Variants in TOX observed in about 807,000 individuals in gnomAD.
TOX encodes thymocyte selection-associated high mobility group box protein TOX.
In TOX, 11 loss-of-function variants were observed where a neutral mutation model predicts 53.7. The observed-to-expected ratio is 0.20, with a 90% CI of 0.13 to 0.34. The LOEUF is 0.34. Among genes scored for constraint, TOX ranks in the 10% least tolerant of loss-of-function variants. TOX has a pLI of 1.00. For missense variants in TOX, 570 were observed against 664.6 expected (o/e 0.86, Z 1.56); for synonymous variants, 225 against 245.3 (o/e 0.92, Z 0.77).
intron 1 of TOX, among the ~76,000 whole-genome samples, chr8:58,987,376 G>A (rs1001839686): frequency 2.0e-5 from 3 of 152,154 alleles, no homozygotes; most frequent in African/African-American, 2.4e-5. Context: ...GAGAAATGGC[G>A]TGCTAGGAAA....
At chr8:58,841,870 GAAAT>G (rs1810649936) in intron 4 of TOX, among the ~76,000 whole-genome samples, 1 of 152,122 alleles carries the variant, frequency 6.6e-6, no homozygotes, top group African/African-American at 2.4e-5. Context: ...ACAAAGTACA[GAAAT>G]AAATGAATGC....
intron 3 of TOX, among the ~76,000 whole-genome samples, chr8:58,932,981 C>CT (rs942533937): frequency 3.3e-5 from 5 of 152,250 alleles, no homozygotes; most frequent in South Asian, 2.1e-4. Context: ...CTTTTAACAT[C>CT]TTTTTTCCAT....
intron 1 of TOX, among the ~76,000 whole-genome samples, chr8:59,064,234 C>A (rs1482347455): frequency 6.6e-6 from 1 of 152,178 alleles, no homozygotes; most frequent in African/African-American, 2.4e-5. Context: ...ATATATAATG[C>A]ACATGTCTGA....
intron 1 of TOX, among the ~76,000 whole-genome samples, chr8:58,989,489 T>A (rs1813401669): frequency 6.6e-6 from 1 of 152,114 alleles, no homozygotes; most frequent in South Asian, 2.1e-4. Context: ...GTGCCCAGTA[T>A]TTGGTGTATT....
At chr8:59,093,445 T>C (rs1197115508) in intron 1 of TOX, among the ~76,000 whole-genome samples, 1 of 152,242 alleles carries the variant, frequency 6.6e-6, no homozygotes, top group Non-Finnish European at 1.5e-5. Flanking sequence ...TACTTTGTTA[T>C]GTGTTTTATC....
chr8:59,005,047 T>C (rs1813762515), intron 1 of TOX, among the ~76,000 whole-genome samples: 1 of 150,758 alleles, frequency 6.6e-6, no homozygotes, highest in African/African-American at 2.4e-5. Flanking sequence ...TCATTTTCTT[T>C]TTTTTTTTTG....
At chr8:58,889,233 C>A (rs73686727) in intron 3 of TOX, among the ~76,000 whole-genome samples, 2,131 of 91,024 alleles carry the variant, frequency 0.023, 53 homozygotes, top group African/African-American at 0.071. Context: ...AAAAAAAAAA[C>A]AAAAAACCCT....
intron 1 of TOX, among the ~76,000 whole-genome samples, chr8:59,027,387 CA>C (rs1814264517): frequency 2.6e-5 from 4 of 151,634 alleles, no homozygotes; most frequent in Admixed American, 2.6e-4. Flanking sequence ...GACATTTTTG[CA>C]ATTTATTGTC....
chr8:58,828,330 G>C (rs919566706), intron 5 of TOX, among the ~76,000 whole-genome samples: 21 of 150,966 alleles, frequency 1.4e-4, no homozygotes, highest in East Asian at 9.7e-4. Context: ...TTCTCCTAAA[G>C]TGGGGGGCTT....
chr8:58,969,493 T>C (rs1041975069), intron 1 of TOX, among the ~76,000 whole-genome samples: 4 of 152,228 alleles, frequency 2.6e-5, no homozygotes, highest in African/African-American at 9.6e-5. Context: ...ATATTCATTA[T>C]TGCCTAGTTG....
At chr8:58,822,672 C>T (rs1810302137) in intron 6 of TOX, among the ~76,000 whole-genome samples, 2 of 152,202 alleles carry the variant, frequency 1.3e-5, no homozygotes, top group Admixed American at 1.3e-4. Flanking sequence ...TGGACTCCAC[C>T]CTCAATTAAG....
chr8:59,053,881 A>G (rs1408248446), intron 1 of TOX, among the ~76,000 whole-genome samples: 1 of 152,252 alleles, frequency 6.6e-6, no homozygotes, highest in African/African-American at 2.4e-5. Flanking sequence ...ATGTAAAGCA[A>G]ACATATTTTT....
intron 7 of TOX, among the ~76,000 whole-genome samples, chr8:58,811,942 A>G (rs1810084347): frequency 6.6e-6 from 1 of 152,218 alleles, no homozygotes; most frequent in Non-Finnish European, 1.5e-5. Context: ...TAAAATAGCT[A>G]AAGTAATATT....
At chr8:58,963,343 G>GA (rs1563402397) in intron 1 of TOX, among the ~76,000 whole-genome samples, 2 of 110,198 alleles carry the variant, frequency 1.8e-5, no homozygotes. Flanking sequence ...AGATAGATAG[G>GA]TAGATAGATA....
intron 3 of TOX, among the ~76,000 whole-genome samples, chr8:58,892,598 A>G (rs1054359301): frequency 4.6e-5 from 7 of 152,198 alleles, no homozygotes; most frequent in African/African-American, 1.7e-4. Context: ...CACTGCCCGT[A>G]CAGGATTTCA....
rs181598150 is a variant in TOX, at chr8:59,007,992, G to A, written c.103-47984C>T. ...TTTTCCATGTACATATCTTTGACCT[G>A]TTTCACCTCTGTTACATTTAAATTT... On this transcript the variant is annotated intron_variant, in intron 1 of 8. Transcript: ENST00000361421. Among the ~76,000 whole-genome samples the A allele has an allele frequency of 7.9e-5, 12 of 152,254 alleles. No individual in the cohort carries two copies. In the East Asian group the frequency reaches 1.9e-3, roughly 24 times the overall value.
intron 1 of TOX, among the ~76,000 whole-genome samples, chr8:59,021,438 G>T: frequency 8.1e-6 from 1 of 124,184 alleles, no homozygotes. Context: ...GTTAAATTTT[G>T]CCAGGCAACA....
At chr8:59,099,138 T>C (rs907561661) in intron 1 of TOX, among the ~76,000 whole-genome samples, 1 of 152,220 alleles carries the variant, frequency 6.6e-6, no homozygotes, top group Non-Finnish European at 1.5e-5. Flanking sequence ...GCTTTTAATC[T>C]CAGAACCTCT....
intron 1 of TOX, among the ~76,000 whole-genome samples, chr8:59,052,291 AT>A (rs1803805872): frequency 6.6e-6 from 1 of 152,142 alleles, no homozygotes; most frequent in Admixed American, 6.5e-5. Flanking sequence ...TTGACTTCCA[AT>A]TTACTAAAGT....
Sources: gnomAD v4.1 joint callset for allele counts (sites outside exome capture counted in the v4.1 genomes callset) on GRCh38, gnomAD v4.1.1 for gene constraint, MANE v1.5 for transcripts, NCBI Gene and HGNC (gene_info 2026-07-23, HGNC 2026-07-21) for gene names.